DMD: variants seen among roughly 807,000 people sequenced by gnomAD.
DMD encodes the protein mutant dystrophin.
DMD carries 63 observed loss-of-function variants against 330.1 expected under a neutral mutation model. That is an observed-to-expected ratio of 0.19 (90% CI 0.16 to 0.24). DMD has a LOEUF of 0.24. Ranked by LOEUF, DMD falls within the 10% of genes least tolerant of loss-of-function variation. DMD has a pLI of 1.00. For synonymous variants in DMD, 1,223 were observed against 959.8 expected (o/e 1.27, Z -5.07); for missense variants, 3,344 against 2,684.1 (o/e 1.25, Z -5.43).
At chrX:32,752,040 C>A (rs1350330909) in intron 7 of DMD, among the ~76,000 whole-genome samples, 2 of 112,436 alleles carry the variant, frequency 1.8e-5, no homozygotes, top group African/African-American at 3.2e-5. Flanking sequence ...GGGGCAGGGC[C>A]CTCATGGAGA....
intron 60 of DMD, among the ~76,000 whole-genome samples, chrX:31,374,720 C>T (rs1485548371): frequency 2.0e-5 from 2 of 102,345 alleles, no homozygotes; most frequent in Non-Finnish European, 4.0e-5. Flanking sequence ...ATACCTAATG[C>T]TAAATGACGA....
intron 76 of DMD, among the ~76,000 whole-genome samples, chrX:31,143,354 C>T (rs990146762): frequency 1.8e-5 from 2 of 110,813 alleles, no homozygotes; most frequent in South Asian, 3.9e-4. Context: ...TCTCTCCTGC[C>T]GCTATGTAGC....
intron 2 of DMD, among the ~76,000 whole-genome samples, chrX:33,012,964 T>G (rs1209453391): frequency 9.0e-6 from 1 of 110,978 alleles, no homozygotes; most frequent in East Asian, 2.8e-4. Flanking sequence ...TACTAAACAT[T>G]CAAAGGTAGA....
chrX:32,799,862 T>C (rs915782661), intron 7 of DMD, among the ~76,000 whole-genome samples: 2 of 111,455 alleles, frequency 1.8e-5, no homozygotes, highest in Middle Eastern at 4.6e-3. Context: ...AAACAGCTCC[T>C]GAAATCGCTT....
chrX:31,771,679 TCAGTAGAGATGGGGTTTGGC>T (rs2090351214), intron 51 of DMD, among the ~76,000 whole-genome samples: 1 of 110,942 alleles, frequency 9.0e-6, no homozygotes. Flanking sequence ...TTTTTTATTT[TCAGTAGAGATGGGGTTTGGC>T]CATGTTGACC....
At chrX:33,124,500 A>AAAAAAAAAAAAC (rs2095448261) in intron 1 of DMD, among the ~76,000 whole-genome samples, 3 of 104,392 alleles carry the variant, frequency 2.9e-5, no homozygotes, top group African/African-American at 1.1e-4. Context: ...AAAAAAAAAA[A>AAAAAAAAAAAAC]AAAAAAAAAA....
intron 30 of DMD, among the ~76,000 whole-genome samples, chrX:32,400,507 G>T (rs375361453): frequency 7.2e-5 from 8 of 111,042 alleles, no homozygotes; most frequent in Non-Finnish European, 1.3e-4. Flanking sequence ...CTTTTTCTAT[G>T]GATTGGAATA....
At chrX:33,044,022 C>T (rs1413130539) in intron 1 of DMD, among the ~76,000 whole-genome samples, 1 of 111,743 alleles carries the variant, frequency 8.9e-6, no homozygotes, top group Non-Finnish European at 1.9e-5. Context: ...AAGGAGCTTC[C>T]ACTAGGCCAG....
intron 43 of DMD, among the ~76,000 whole-genome samples, chrX:32,217,559 G>A (rs920933368): frequency 1.8e-5 from 2 of 109,401 alleles, no homozygotes; most frequent in Non-Finnish European, 3.8e-5. Flanking sequence ...GGAGTAATAA[G>A]TTCTAGTGTT....
intron 44 of DMD, among the ~76,000 whole-genome samples, chrX:32,167,200 G>A (rs2096871442): frequency 8.9e-6 from 1 of 112,276 alleles, no homozygotes; most frequent in South Asian, 3.7e-4. Context: ...CAAAATAATA[G>A]TTCACTTATA....
intron 55 of DMD, among the ~76,000 whole-genome samples, chrX:31,571,687 A>C (rs1427385901): frequency 9.0e-6 from 1 of 111,429 alleles, no homozygotes; most frequent in Non-Finnish European, 1.9e-5. Flanking sequence ...GGATGTCTGA[A>C]ACTTGGCACT....
intron 16 of DMD, among the ~76,000 whole-genome samples, chrX:32,547,147 T>C (rs1449743141): frequency 9.0e-6 from 1 of 111,256 alleles, no homozygotes; most frequent in Non-Finnish European, 1.9e-5. Flanking sequence ...ATTAAGAAAA[T>C]ACCTAATTTT....
rs778455461 is a variant in DMD, at chrX:32,518,151, A to C, written c.2169-20T>G. Reference sequence around the variant, plus strand: ...TCCAACCTAAGACAGCAAAAAATAAAAGTCATTATTTCTTGATTATCTCTT... The same window carrying C: ...TCCAACCTAAGACAGCAAAAAATAACAGTCATTATTTCTTGATTATCTCTT... On this transcript the variant is annotated intron_variant, in intron 17 of 78. Transcript: ENST00000357033. 2.5e-6 allele frequency: 3 copies of C among 1,194,842 alleles called. No homozygotes were observed. Among genetic ancestry groups the C allele is most frequent in the African/African-American group, 3.5e-5 (2 of 57,290 alleles).
chrX:32,314,750 A>T (rs1431201002), intron 41 of DMD, among the ~76,000 whole-genome samples: 1 of 111,976 alleles, frequency 8.9e-6, no homozygotes, highest in Non-Finnish European at 1.9e-5. Flanking sequence ...CACTTCGCAA[A>T]AGAAGACATT....
At chrX:31,825,070 T>C (rs1195552355) in intron 49 of DMD, among the ~76,000 whole-genome samples, 4 of 112,054 alleles carry the variant, frequency 3.6e-5, no homozygotes, top group Non-Finnish European at 7.5e-5. Context: ...GATATTTTCC[T>C]GTCCTGACAT....
chrX:32,369,208 T>A (rs186607540), intron 34 of DMD, among the ~76,000 whole-genome samples: 11 of 111,894 alleles, frequency 9.8e-5, no homozygotes, highest in Non-Finnish European at 1.9e-4. Context: ...CTAACTTCCA[T>A]GATTTCAAAC....
At chrX:33,293,860 C>T (rs1048389835) in intron 1 of DMD, among the ~76,000 whole-genome samples, 12 of 111,146 alleles carry the variant, frequency 1.1e-4, no homozygotes, top group Non-Finnish European at 1.9e-5. Context: ...TTTCTCAGCA[C>T]CGTTTGTTTA....
intron 1 of DMD, among the ~76,000 whole-genome samples, chrX:33,163,550 G>GTA (rs2048879271): frequency 1.0e-5 from 1 of 95,282 alleles, no homozygotes; most frequent in African/African-American, 4.5e-5. Flanking sequence ...ATATATATGT[G>GTA]TGTATATATA....
chrX:32,038,512 G>A (rs776949022), intron 44 of DMD, among the ~76,000 whole-genome samples: 2 of 111,226 alleles, frequency 1.8e-5, no homozygotes, highest in South Asian at 3.8e-4. Flanking sequence ...GTATCTCTGG[G>A]CGAGGTCATC....
Sources: gnomAD v4.1 joint callset for allele counts (sites outside exome capture counted in the v4.1 genomes callset) on GRCh38, gnomAD v4.1.1 for gene constraint, MANE v1.5 for transcripts, NCBI Gene and HGNC (gene_info 2026-07-23, HGNC 2026-07-21) for gene names.